MACROD2: variants seen among roughly 807,000 people sequenced by gnomAD.
The protein encoded by MACROD2 is ADP-ribose glycohydrolase MACROD2.
MACROD2 carries 36 observed loss-of-function variants against 70.4 expected under a neutral mutation model. The ratio of observed to expected loss-of-function variants is 0.51; its 90% CI spans 0.39 to 0.68. The LOEUF (loss-of-function observed/expected upper bound fraction) is 0.68. Ranked by LOEUF, MACROD2 falls within the 30% of genes least tolerant of loss-of-function variation. MACROD2 has a pLI of 0.00. For missense variants in MACROD2, 496 were observed against 538.4 expected (o/e 0.92, Z 0.78); for synonymous variants, 172 against 178.8 (o/e 0.96, Z 0.30).
At chr20:14,461,024 G>A (rs1568622237) in intron 3 of MACROD2, among the ~76,000 whole-genome samples, 1 of 151,884 alleles carries the variant, frequency 6.6e-6, no homozygotes, top group Non-Finnish European at 1.5e-5. Context: ...TTGTACCTCT[G>A]GTAGAATTTG....
At chr20:15,088,089 C>A (rs1318495613) in intron 5 of MACROD2, among the ~76,000 whole-genome samples, 2 of 151,750 alleles carry the variant, frequency 1.3e-5, no homozygotes, top group South Asian at 4.2e-4. Flanking sequence ...TAAAACATTG[C>A]AAATTAATCA....
chr20:14,376,937 AT>A (rs1238814586), intron 3 of MACROD2, among the ~76,000 whole-genome samples: 2 of 152,040 alleles, frequency 1.3e-5, no homozygotes, highest in Admixed American at 6.6e-5. Flanking sequence ...TTAATACTAA[AT>A]TTGAAAGATT....
intron 5 of MACROD2, among the ~76,000 whole-genome samples, chr20:15,121,638 C>A (rs1241508853): frequency 6.6e-6 from 1 of 151,970 alleles, no homozygotes; most frequent in Non-Finnish European, 1.5e-5. Context: ...TTAGGTGTTT[C>A]GCATCTATTA....
At chr20:15,811,137 A>C (rs2063816782) in intron 8 of MACROD2, among the ~76,000 whole-genome samples, 1 of 152,204 alleles carries the variant, frequency 6.6e-6, no homozygotes. Flanking sequence ...AACTGCCATC[A>C]GAGTGAACAG....
intron 5 of MACROD2, among the ~76,000 whole-genome samples, chr20:14,741,598 G>A (rs978035624): frequency 6.6e-6 from 1 of 151,960 alleles, no homozygotes; most frequent in South Asian, 2.1e-4. Flanking sequence ...AAGAAAAAAG[G>A]CAATTCCACT....
chr20:15,298,188 T>A (rs11907767), intron 6 of MACROD2, among the ~76,000 whole-genome samples: 4,345 of 152,310 alleles, frequency 0.029, 220 homozygotes, highest in African/African-American at 0.098. Context: ...CTCTCAGGGT[T>A]GGTTTCTTCC....
At chr20:14,046,130 T>C (rs1016167955) in intron 2 of MACROD2, among the ~76,000 whole-genome samples, 1 of 152,132 alleles carries the variant, frequency 6.6e-6, no homozygotes, top group Non-Finnish European at 1.5e-5. Flanking sequence ...AGAAGTACGA[T>C]TAATGCAGAG....
intron 5 of MACROD2, among the ~76,000 whole-genome samples, chr20:15,100,509 C>T (rs553749847): frequency 9.9e-5 from 15 of 152,226 alleles, no homozygotes; most frequent in African/African-American, 3.4e-4. Context: ...AGTTGAGCAC[C>T]TCAAATAGGC....
chr20:14,913,647 A>AGAATGTAGT (rs1224104233), intron 5 of MACROD2, among the ~76,000 whole-genome samples: 4 of 152,182 alleles, frequency 2.6e-5, no homozygotes, highest in Non-Finnish European at 4.4e-5. Context: ...TGATCACATC[A>AGAATGTAGT]CTGCATTCTT....
rs182530420 is a variant in MACROD2, at chr20:14,460,703, G to A, written c.272-32776G>A. Among the ~76,000 whole-genome samples the A allele has an allele frequency of 7.4e-4, 113 of 152,160 alleles. 1 individual carries two copies. Among genetic ancestry groups the A allele is most frequent in the African/African-American group, 2.7e-3 (112 of 41,470 alleles). ...TCATGTGGTTTTTGTCATTGGTTCT[G>A]CTTATGTAATGGATTACGTTTATTG... On this transcript the variant is annotated intron_variant, in intron 3 of 17. Transcript: ENST00000684519.
chr20:14,372,287 A>G (rs924331680), intron 3 of MACROD2, among the ~76,000 whole-genome samples: 4 of 152,220 alleles, frequency 2.6e-5, no homozygotes, highest in Non-Finnish European at 5.9e-5. Flanking sequence ...AATTAGGAAC[A>G]TTAATACAGA....
intron 3 of MACROD2, among the ~76,000 whole-genome samples, chr20:14,212,691 T>C (rs1173290336): frequency 6.6e-6 from 1 of 151,746 alleles, no homozygotes; most frequent in Non-Finnish European, 1.5e-5. Context: ...ATTTCTGTAG[T>C]CCCTGTCTCT....
At chr20:14,068,772 G>T (rs1335224775) in intron 2 of MACROD2, among the ~76,000 whole-genome samples, 1 of 152,110 alleles carries the variant, frequency 6.6e-6, no homozygotes, top group South Asian at 2.1e-4. Flanking sequence ...TGGGGAATAG[G>T]GGCTGATAAG....
intron 5 of MACROD2, among the ~76,000 whole-genome samples, chr20:15,107,030 A>G (rs866756816): frequency 6.1e-5 from 5 of 82,396 alleles, no homozygotes; most frequent in African/African-American, 1.4e-4. Flanking sequence ...AATCCTTTAT[A>G]TACCTTTATG....
intron 5 of MACROD2, among the ~76,000 whole-genome samples, chr20:14,855,507 A>G (rs2073244314): frequency 6.6e-6 from 1 of 151,590 alleles, no homozygotes; most frequent in Admixed American, 6.6e-5. Context: ...ACAGTATTAT[A>G]CTCAATAGTC....
At chr20:15,664,563 A>G (rs12480166) in intron 8 of MACROD2, among the ~76,000 whole-genome samples, 16,858 of 152,132 alleles carry the variant, frequency 0.11, 1,343 homozygotes, top group East Asian at 0.36. Context: ...TGGCTGACCT[A>G]GTCTGGCCTT....
In MACROD2 at chr20:14,326,025, A is replaced by G. The variant is rs1201354015; in HGVS notation, c.272-167454A>G. On this transcript the variant is annotated intron_variant, in intron 3 of 17. Transcript: ENST00000684519. The surrounding 1 kb of genome is among the most constrained non-coding windows in gnomAD (Gnocchi z 5.5). ...GTGCAGTTTCAGTCTCAATACAAAC[A>G]GGAGTTTCATCAAATAGGTAGAGGT... 4.3e-6 allele frequency: 7 copies of G among 1,613,830 alleles called. No individual in the cohort carries two copies. In the Middle Eastern group the frequency reaches 8.2e-4, roughly 190 times the overall value.
At chr20:15,680,943 A>T (rs1568971565) in intron 8 of MACROD2, among the ~76,000 whole-genome samples, 1 of 152,208 alleles carries the variant, frequency 6.6e-6, no homozygotes, top group Non-Finnish European at 1.5e-5. Context: ...TCATCACATG[A>T]TACTCCCCAG....
chr20:15,794,296 A>G lies in MACROD2; in HGVS notation c.646-68449A>G, dbSNP rs529364739. Among the ~76,000 whole-genome samples the G allele has an allele frequency of 1.1e-4, 16 of 152,258 alleles. No homozygotes were observed. The East Asian group carries it at 2.9e-3, about 28-fold the overall frequency. On this transcript the variant is annotated intron_variant, in intron 8 of 17. Transcript: ENST00000684519. ...TTGCTATTATTTTTCTTTTGTTAAG[A>G]TTTATATTATTTTTTATTTATTCAG...
Sources: gnomAD v4.1 joint callset for allele counts (sites outside exome capture counted in the v4.1 genomes callset) on GRCh38, gnomAD v4.1.1 for gene constraint, Gnocchi (gnomAD v3.1) non-coding constraint, MANE v1.5 for transcripts, NCBI Gene and HGNC (gene_info 2026-07-23, HGNC 2026-07-21) for gene names.